The following DEFB129 variants were observed in gnomAD, a reference collection of about 807,000 sequenced individuals.
DEFB129 encodes defensin beta 129, also known as beta-defensin 129.
In DEFB129, 2 loss-of-function variants were observed where a neutral mutation model predicts 2.5. The observed-to-expected ratio is 0.80, with a 90% CI of 0.33 to 2.53. DEFB129 has a LOEUF of 2.53. Among genes scored for constraint, DEFB129 ranks in the 30% most tolerant of loss-of-function variants. DEFB129 has a pLI of 0.11. For missense variants in DEFB129, 177 were observed against 216.9 expected, an observed-to-expected ratio of 0.82 and a Z score of 1.16; for synonymous variants, 76 against 74.4, an observed-to-expected ratio of 1.02 and a Z score of -0.11.
chr20:227,274 C>T lies in DEFB129; in HGVS notation c.-15C>T. 1.2e-6 allele frequency: 2 copies of T among 1,614,082 alleles called. No individual in the cohort carries two copies. Among genetic ancestry groups the T allele is most frequent in the Non-Finnish European group, 1.7e-6 (2 of 1,179,932 alleles). ...CATCAACCCAGATTCAAGGCTTCCT[C>T]TCTGGCACCCAACCATGAAGCTCCT... is the stretch of plus-strand genomic sequence containing the variant. On this transcript the variant is annotated 5_prime_UTR_variant, in exon 1 of 2. Transcript: ENST00000246105.
At position 229,457 on chromosome 20, in the gene DEFB129, C is replaced by T; in HGVS notation, c.238C>T (p.Gln80Ter). 1 of 1,614,086 alleles carries T rather than the reference C, an allele frequency of 6.2e-7. No individual in the cohort carries two copies. Among genetic ancestry groups the T allele is most frequent in the African/African-American group, 1.3e-5 (1 of 75,026 alleles). Reference sequence around the variant, plus strand: ...ACCAAATGTACTTAATGAAGACGTCCAAGAAATGCTAAAACCTGCCAAGAA... The same window carrying T: ...ACCAAATGTACTTAATGAAGACGTCTAAGAAATGCTAAAACCTGCCAAGAA... ...GTPNVLNEDV[Q>*]EMLKPAKNSS... Residue 80 changes from glutamine to a stop codon, truncating the protein, a stop_gained, in exon 2 of 2, where the codon CAA becomes TAA. Transcript: ENST00000246105. LOFTEE classifies it low-confidence loss of function (END_TRUNC).
At chr20:229,198 C>A in intron 1 of DEFB129, 80 bp from the exon 2 acceptor site, 1 of 1,496,404 alleles carries the variant, frequency 6.7e-7, no homozygotes, top group South Asian at 1.4e-5. Flanking sequence ...CTCTCTTAGT[C>A]TATCCATCTC....
chr20:227,694 C>CTT (rs111503819), intron 1 of DEFB129, among the ~76,000 whole-genome samples: 2 of 143,446 alleles, frequency 1.4e-5, no homozygotes, highest in African/African-American at 5.9e-5. Context: ...CTTAAAAGCC[C>CTT]TTTTTTTTTA....
chr20:228,861 T>C (rs1487321093), intron 1 of DEFB129, among the ~76,000 whole-genome samples: 1 of 152,124 alleles, frequency 6.6e-6, no homozygotes, highest in Non-Finnish European at 1.5e-5. Context: ...CTCCTGAAAA[T>C]TCTATTGATT....
intron 1 of DEFB129, among the ~76,000 whole-genome samples, chr20:227,630 G>A (rs2011295843): frequency 6.6e-6 from 1 of 151,988 alleles, no homozygotes; most frequent in South Asian, 2.1e-4. Context: ...CCCTGTATAT[G>A]TCTATCATGC....
intron 1 of DEFB129, 128 bp downstream of exon 1, chr20:227,474 A>G (rs1197543356): frequency 9.0e-6 from 10 of 1,106,386 alleles, no homozygotes; most frequent in Admixed American, 3.7e-5. Flanking sequence ...TAAAGAGCTT[A>G]CCTATTGTAT....
In DEFB129 at chr20:229,265, T is replaced by TCTG. The variant is rs11473300; in HGVS notation, c.59-13_59-12insCTG. 17 of 1,553,120 alleles carry TCTG rather than the reference T, an allele frequency of 1.1e-5. No individual in the cohort carries two copies. The highest frequency in any genetic ancestry group is 1.3e-5 in the Non-Finnish European group (15 of 1,156,236). ...TTAACCTTGGCTCAATGGCTTTCTCTTTTTTTATACAGAATTTATTGGCTT... is the reference window on the plus strand; with the variant it reads ...TTAACCTTGGCTCAATGGCTTTCTCTCTGTTTTTTATACAGAATTTATTGGCTT... On this transcript the variant is annotated splice_polypyrimidine_tract_variant and intron_variant, in intron 1 of 1. Coordinates refer to ENST00000246105, the MANE Select transcript of DEFB129 (RefSeq NM_080831.4).
rs2011317687 is a variant in DEFB129 at position 229,563 on chromosome 20, A to T, written c.344A>T (p.Asn115Ile). 1 of 1,614,010 alleles carries T rather than the reference A, an allele frequency of 6.2e-7. No individual in the cohort carries two copies. The highest frequency in any genetic ancestry group is 8.5e-7 in the Non-Finnish European group (1 of 1,180,034). ...AGCACTAGCTTTTTTGCTAATACCA[A>T]CTTTGTCATCATTCCAAATGCCACC... ...IKSTSFFANT[N>I]FVIIPNATPM... Residue 115 changes from asparagine (N) to isoleucine (I), a missense_variant, in exon 2 of 2, where the codon AAC (asparagine) becomes ATC (isoleucine). Transcript: ENST00000246105.
chr20:228,404 A>T (rs1286883718), intron 1 of DEFB129, among the ~76,000 whole-genome samples: 1 of 152,224 alleles, frequency 6.6e-6, no homozygotes, highest in African/African-American at 2.4e-5. Flanking sequence ...GGGGTTAATC[A>T]ATGCAGCTGA....
chr20:228,018 C>A (rs765273318), intron 1 of DEFB129, among the ~76,000 whole-genome samples: 9 of 152,162 alleles, frequency 5.9e-5, no homozygotes, highest in Non-Finnish European at 1.2e-4. Flanking sequence ...ATCTTGAATT[C>A]TTTCAGGTTT....
In DEFB129 at chr20:229,730, C is replaced by T. The variant is rs190501876; in HGVS notation, c.511C>T (p.Pro171Ser). ...AGCACCACCTCCACCAAACATACTG[C>T]CAACACCATCACTGGAGCTAGAGGA... is the stretch of plus-strand genomic sequence containing the variant. ...PPAPPPPNILPTPSLELEEAE... is the reference protein window; with the variant it reads ...PPAPPPPNILSTPSLELEEAE... Residue 171 changes from proline (P) to serine (S), a missense_variant, in exon 2 of 2, where the codon CCA (proline) becomes TCA (serine). Coordinates refer to ENST00000246105, the MANE Select transcript of DEFB129 (RefSeq NM_080831.4). 8 of 1,612,940 alleles carry T rather than the reference C, an allele frequency of 5.0e-6. No homozygotes were observed. The East Asian group carries it at 1.6e-4, about 31-fold the overall frequency.
intron 1 of DEFB129, 89 bp downstream of exon 1, chr20:227,435 C>G: frequency 6.9e-7 from 1 of 1,447,940 alleles, no homozygotes; most frequent in Non-Finnish European, 9.7e-7. Context: ...AGAGAGGAGA[C>G]TGAAAGATTA....
At chr20:228,658 G>T (rs1340055067) in intron 1 of DEFB129, among the ~76,000 whole-genome samples, 1 of 152,162 alleles carries the variant, frequency 6.6e-6, no homozygotes, top group Non-Finnish European at 1.5e-5. Flanking sequence ...AGGAAATTTA[G>T]AATTATAGAT....
chr20:228,866 T>C (rs1014636708), intron 1 of DEFB129, among the ~76,000 whole-genome samples: 1 of 152,172 alleles, frequency 6.6e-6, no homozygotes, highest in Non-Finnish European at 1.5e-5. Flanking sequence ...GAAAATTCTA[T>C]TGATTCTCTT....
At chr20:228,605 G>A (rs2011306517) in intron 1 of DEFB129, among the ~76,000 whole-genome samples, 1 of 152,162 alleles carries the variant, frequency 6.6e-6, no homozygotes, top group African/African-American at 2.4e-5. Flanking sequence ...ACATTAGGAT[G>A]GAAAAGTCAT....
intron 1 of DEFB129, among the ~76,000 whole-genome samples, 161 bp downstream of exon 1, chr20:227,507 C>A (rs1436159795): frequency 6.6e-6 from 1 of 152,212 alleles, no homozygotes; most frequent in Non-Finnish European, 1.5e-5. Context: ...GATACATTCT[C>A]ATAGGCCCCA....
At chr20:227,854 A>G (rs55735991) in intron 1 of DEFB129, among the ~76,000 whole-genome samples, 4,101 of 152,100 alleles carry the variant, frequency 0.027, 191 homozygotes, top group African/African-American at 0.094. Flanking sequence ...CCTCCACCCA[A>G]CAGGCCCCAG....
intron 1 of DEFB129, among the ~76,000 whole-genome samples, chr20:227,818 C>T (rs550614332): frequency 3.9e-5 from 6 of 152,230 alleles, no homozygotes; most frequent in African/African-American, 1.4e-4. Context: ...GCCCAGGATG[C>T]ATTAGCTATT....
intron 1 of DEFB129, among the ~76,000 whole-genome samples, chr20:228,757 GAA>G (rs1462212972): frequency 6.6e-6 from 1 of 152,334 alleles, no homozygotes; most frequent in South Asian, 2.1e-4. Context: ...AAAGAGGCTA[GAA>G]GAGATAGAAC....
Sources: gnomAD v4.1 joint callset for allele counts (sites outside exome capture counted in the v4.1 genomes callset) on GRCh38, gnomAD v4.1.1 for gene constraint, MANE v1.5 for transcripts, NCBI Gene and HGNC (gene_info 2026-07-23, HGNC 2026-07-21) for gene names.